The following PCDH15 variants were observed in gnomAD, a reference collection of about 807,000 sequenced individuals.
PCDH15 encodes the protein protocadherin related 15, also known as protocadherin-15.
In PCDH15, 129 loss-of-function variants were observed where a neutral mutation model predicts 178.5. The ratio of observed to expected loss-of-function variants is 0.72; its 90% confidence interval spans 0.63 to 0.84. The LOEUF is 0.84. PCDH15 is among the 40% of genes least tolerant of loss of function. The probability of loss-of-function intolerance (pLI) is 0.00; values close to 1 mark genes in which losing one functional copy is unlikely to be tolerated. For synonymous variants in PCDH15, 800 were observed against 732.0 expected, an observed-to-expected ratio of 1.09 and a Z score of -1.50; for missense variants, 2,230 against 2,099.9, an observed-to-expected ratio of 1.06 and a Z score of -1.21.
rs184689421 is a variant in PCDH15 at position 54,523,169 on chromosome 10, A to C, written c.157+4643T>G. Among the ~76,000 whole-genome samples the C allele has an allele frequency of 1.4e-3, 208 of 152,342 alleles. 1 individual carries two copies. The highest frequency in any genetic ancestry group is 4.7e-3 in the African/African-American group (195 of 41,578). On this transcript the variant is annotated intron_variant, in intron 3 of 37. Transcript: ENST00000644397. ...GGATTACTGTATGACAAAATGGAGAATCTAGAAAGCAAAAACTTGGATCAA... is the reference window on the plus strand; with the variant it reads ...GGATTACTGTATGACAAAATGGAGACTCTAGAAAGCAAAAACTTGGATCAA...
At chr10:54,383,704 T>C (rs1949547975) in intron 3 of PCDH15, among the ~76,000 whole-genome samples, 1 of 149,082 alleles carries the variant, frequency 6.7e-6, no homozygotes, top group Non-Finnish European at 1.5e-5. Context: ...ACAATCTTCA[T>C]ACCCCACTCT....
intron 2 of PCDH15, among the ~76,000 whole-genome samples, chr10:55,464,434 T>C (rs922818293): frequency 1.3e-5 from 2 of 151,620 alleles, no homozygotes; most frequent in African/African-American, 4.8e-5. Flanking sequence ...AGAAGATAGG[T>C]TCCCCAGAGC....
At chr10:54,449,120 T>C (rs1022322966) in intron 3 of PCDH15, among the ~76,000 whole-genome samples, 7 of 151,736 alleles carry the variant, frequency 4.6e-5, no homozygotes, top group African/African-American at 1.5e-4. Flanking sequence ...CTATTGGGGC[T>C]GAGGGTAAGG....
At chr10:54,862,411 A>G (rs1044849507) in intron 3 of PCDH15, among the ~76,000 whole-genome samples, 1 of 152,178 alleles carries the variant, frequency 6.6e-6, no homozygotes, top group Non-Finnish European at 1.5e-5. Context: ...AGAGGAGGAG[A>G]GGATTTGTGG....
intron 1 of PCDH15, among the ~76,000 whole-genome samples, chr10:55,274,009 T>G (rs1564956780): frequency 6.6e-6 from 1 of 152,110 alleles, no homozygotes; most frequent in East Asian, 1.9e-4. Flanking sequence ...TATGTATGTG[T>G]GTGTGTGCAT....
intron 17 of PCDH15, among the ~76,000 whole-genome samples, chr10:54,078,857 T>C (rs2094389274): frequency 6.6e-6 from 1 of 152,138 alleles, no homozygotes; most frequent in Admixed American, 6.5e-5. Flanking sequence ...GAATTACTTA[T>C]GATTCTTACT....
rs1338600699 is a variant in PCDH15, at chr10:53,822,393, C to CA, written c.4368-2164dup. ...GATAGAAGGAGGAGAGGGAGGAGGA[C>CA]AAAAAAGAGAAAAAGGAGAAATGTC... On this transcript the variant is annotated intron_variant, in intron 32 of 37. Transcript: ENST00000644397. The CA allele has an allele frequency of 4.5e-6, 7 of 1,565,630 alleles. 1 individual carries two copies. In the Admixed American group the frequency reaches 9.5e-5, roughly 21 times the overall value.
intron 2 of PCDH15, among the ~76,000 whole-genome samples, chr10:55,002,329 C>T (rs1265664406): frequency 6.6e-6 from 1 of 152,152 alleles, no homozygotes; most frequent in Non-Finnish European, 1.5e-5. Flanking sequence ...TACTTTCATA[C>T]TGAATTTCCA....
At chr10:54,930,947 G>A (rs1042126693) in intron 2 of PCDH15, among the ~76,000 whole-genome samples, 4 of 152,154 alleles carry the variant, frequency 2.6e-5, no homozygotes, top group African/African-American at 9.7e-5. Flanking sequence ...AATTTACAAT[G>A]TATTTCCATC....
At chr10:54,552,889 A>T (rs1590066873) in intron 2 of PCDH15, among the ~76,000 whole-genome samples, 1 of 152,286 alleles carries the variant, frequency 6.6e-6, no homozygotes, top group Admixed American at 6.5e-5. Context: ...TTTTCCATGA[A>T]ATGCCTACAG....
intron 27 of PCDH15, among the ~76,000 whole-genome samples, chr10:53,862,739 T>A (rs1443731588): frequency 1.3e-5 from 2 of 152,150 alleles, no homozygotes; most frequent in Non-Finnish European, 2.9e-5. Flanking sequence ...AAAATGTTAG[T>A]CCATAAAAAA....
chr10:54,853,220 A>C (rs1391038713), intron 3 of PCDH15, among the ~76,000 whole-genome samples: 1 of 148,944 alleles, frequency 6.7e-6, no homozygotes, highest in Non-Finnish European at 1.5e-5. Context: ...AGATTACACC[A>C]TTGCACTCCA....
chr10:54,690,769 T>A lies in PCDH15; in HGVS notation c.-28-26479A>T, dbSNP rs531528775. Among the ~76,000 whole-genome samples the A allele has an allele frequency of 2.0e-4, 30 of 152,256 alleles. 2 individuals are homozygous for A. The South Asian group carries it at 6.0e-3, about 31-fold the overall frequency. On this transcript the variant is annotated intron_variant, in intron 1 of 37. Coordinates refer to ENST00000644397, the MANE Select transcript of PCDH15 (RefSeq NM_001384140.1). ...CGTTTGTCAGTACTGTTAATATCATTCACCAACTTTTAAAATCACCTATTA... is the reference window on the plus strand; with the variant it reads ...CGTTTGTCAGTACTGTTAATATCATACACCAACTTTTAAAATCACCTATTA...
chr10:54,317,431 T>C lies in PCDH15; in HGVS notation c.716A>G (p.Gln239Arg). Residue 239 changes from glutamine to arginine, a missense_variant, in exon 8 of 38, where the codon CAA (glutamine) becomes CGA (arginine). Gln to Arg is a conservative substitution (Grantham distance 43, BLOSUM62 1). Transcript: ENST00000644397. ...FVIIQANDRA[Q>R]NLNERRTTTT... ...GGTGGTTCGCCTCTCATTCAGATTT[T>C]GGGCACGGTCCTGTTAGGGAGAAAA... The C allele has an allele frequency of 6.2e-7, 1 of 1,613,810 alleles. No individual in the cohort carries two copies. Among genetic ancestry groups the C allele is most frequent in the South Asian group, 1.1e-5 (1 of 91,078 alleles).
intron 26 of PCDH15, among the ~76,000 whole-genome samples, chr10:53,893,759 C>A (rs2081750754): frequency 1.3e-5 from 2 of 152,038 alleles, no homozygotes; most frequent in African/African-American, 2.4e-5. Context: ...GACGCAAAGG[C>A]ATAAGAATAA....
At chr10:55,280,532 A>AC (rs1842705772) in intron 1 of PCDH15, among the ~76,000 whole-genome samples, 1 of 135,486 alleles carries the variant, frequency 7.4e-6, no homozygotes, top group Non-Finnish European at 1.6e-5. Context: ...CAGGTGATCC[A>AC]CCCCCCTCGG....
At chr10:54,647,752 T>C (rs938380205) in intron 2 of PCDH15, among the ~76,000 whole-genome samples, 17 of 152,206 alleles carry the variant, frequency 1.1e-4, no homozygotes, top group African/African-American at 4.1e-4. Flanking sequence ...TGACCATTGA[T>C]TTCTTCTTCC....
At chr10:54,693,314 T>A (rs748094674) in intron 1 of PCDH15, among the ~76,000 whole-genome samples, 10 of 152,098 alleles carry the variant, frequency 6.6e-5, no homozygotes, top group Non-Finnish European at 1.3e-4. Flanking sequence ...ATGAGCCCTT[T>A]ATATGAAGCT....
At chr10:54,404,038 AT>A (rs1952284967) in intron 3 of PCDH15, among the ~76,000 whole-genome samples, 1 of 152,050 alleles carries the variant, frequency 6.6e-6, no homozygotes, top group Non-Finnish European at 1.5e-5. Context: ...TACCTATAAT[AT>A]CCAAAGTAAT....
Sources: allele counts gnomAD v4.1 joint callset (sites outside exome capture counted in the v4.1 genomes callset), GRCh38; gene constraint gnomAD v4.1.1; transcripts MANE v1.5; gene names NCBI Gene and HGNC (gene_info 2026-07-23, HGNC 2026-07-21).